The following DARS1 variants were observed in gnomAD, a reference collection of about 807,000 sequenced individuals.
DARS1 encodes aspartate--tRNA ligase, cytoplasmic.
A neutral mutation model predicts 68.8 loss-of-function variants in DARS1; 51 were observed. The observed-to-expected ratio is 0.74, with a 90% CI of 0.59 to 0.94. DARS1 has a LOEUF of 0.94. Ranked by LOEUF, DARS1 falls within the 40% of genes least tolerant of loss-of-function variation. The probability of loss-of-function intolerance (pLI) is 0.00; values close to 1 mark genes in which losing one functional copy is unlikely to be tolerated. For synonymous variants in DARS1, 203 were observed against 190.4 expected (o/e 1.07, Z -0.55); for missense variants, 607 against 597.3 (o/e 1.02, Z -0.17).
intron 4 of DARS1, among the ~76,000 whole-genome samples, chr2:135,945,888 TC>T (rs1361487490): frequency 1.3e-5 from 2 of 152,202 alleles, no homozygotes; most frequent in Non-Finnish European, 2.9e-5. Flanking sequence ...TCTCAGTATT[TC>T]CCCTTATTAT....
In DARS1 at chr2:135,933,951, G is replaced by GC; in HGVS notation, c.462dup (p.Gln155AlafsTer4). 3 of 1,613,732 alleles carry GC rather than the reference G, an allele frequency of 1.9e-6. No individual in the cohort carries two copies. In the South Asian group the frequency reaches 3.3e-5, roughly 18 times the overall value. ...TCAGGCCGAACAGCATCATCCAGCT[G>GC]CAGGGGCAGACGGGGTTCAGCCAAA... On this transcript the variant is annotated frameshift_variant, in exon 6 of 16. Transcript: ENST00000264161. LOFTEE classifies it high-confidence loss of function.
intron 4 of DARS1, among the ~76,000 whole-genome samples, chr2:135,956,163 C>T (rs1405462020): frequency 6.6e-6 from 1 of 152,110 alleles, no homozygotes; most frequent in African/African-American, 2.4e-5. Flanking sequence ...ATGGTTGTGT[C>T]AGGGAAAACC....
At chr2:135,982,929 G>GA (rs1682669815) in intron 2 of DARS1, among the ~76,000 whole-genome samples, 1 of 152,068 alleles carries the variant, frequency 6.6e-6, no homozygotes, top group African/African-American at 2.4e-5. Flanking sequence ...GAGAATAAGT[G>GA]AAAATATAAA....
At chr2:135,934,848 G>A (rs1009236360) in intron 5 of DARS1, among the ~76,000 whole-genome samples, 1 of 147,334 alleles carries the variant, frequency 6.8e-6, no homozygotes, top group African/African-American at 2.5e-5. Context: ...AGGCTGGAGT[G>A]CAATGGTGTG....
Position 135,907,957 on chromosome 2 carries a change from T to G in DARS1, c.1415-550A>C, listed in dbSNP as rs942826566. 6.3e-4 allele frequency among the ~76,000 whole-genome samples: 96 copies of G among 152,194 alleles called. 1 individual carries two copies. The highest frequency in any genetic ancestry group is 2.6e-4 in the Admixed American group (4 of 15,280). On this transcript the variant is annotated intron_variant, in intron 15 of 15. Transcript: ENST00000264161. The stretch of plus-strand genomic sequence containing the variant: ...AGGTGGTTAACAAGATTATGGTCTC[T>G]CCTTTCAATTGATTCTATGTAGAGA...
intron 4 of DARS1, among the ~76,000 whole-genome samples, chr2:135,951,968 T>C (rs1251959635): frequency 6.6e-6 from 1 of 152,236 alleles, no homozygotes; most frequent in African/African-American, 2.4e-5. Context: ...TGGCCGGGCT[T>C]GGTGGCTCAT....
chr2:135,916,205 A>C, intron 11 of DARS1, 21 bp downstream of exon 11: 1 of 1,512,840 alleles, frequency 6.6e-7, no homozygotes, highest in South Asian at 1.1e-5. Context: ...TTAAAGTAAA[A>C]AAAAAGCCAC....
chr2:135,956,116 TTAAGA>T (rs1196981199), intron 4 of DARS1, among the ~76,000 whole-genome samples: 29 of 152,268 alleles, frequency 1.9e-4, no homozygotes, highest in Admixed American at 1.5e-3. Flanking sequence ...GAAGAATGAG[TTAAGA>T]TAAGCAAACA....
intron 3 of DARS1, among the ~76,000 whole-genome samples, chr2:135,972,992 T>A (rs565634031): frequency 2.0e-5 from 3 of 152,116 alleles, no homozygotes; most frequent in Non-Finnish European, 4.4e-5. Context: ...ATTAGTACAA[T>A]CACTATGTAG....
At chr2:135,926,572 CA>C (rs1046822177) in intron 7 of DARS1, among the ~76,000 whole-genome samples, 6 of 152,172 alleles carry the variant, frequency 3.9e-5, no homozygotes, top group South Asian at 2.1e-4. Context: ...CCACCAATCA[CA>C]GGGGTAGATG....
At chr2:135,952,591 C>T (rs1312718478) in intron 4 of DARS1, among the ~76,000 whole-genome samples, 1 of 152,134 alleles carries the variant, frequency 6.6e-6, no homozygotes, top group Non-Finnish European at 1.5e-5. Flanking sequence ...ATTCTCTCTA[C>T]ATCTATGTGA....
At chr2:135,927,084 C>T (rs1681235201) in intron 7 of DARS1, among the ~76,000 whole-genome samples, 2 of 152,082 alleles carry the variant, frequency 1.3e-5, no homozygotes, top group Non-Finnish European at 2.9e-5. Context: ...TAAAGAGAAA[C>T]AAAATCGGTT....
Position 135,907,242 on chromosome 2 carries a change from C to CTTTTTTTTTTTTTT in DARS1, c.*60_*73dup, listed in dbSNP as rs992435404. The CTTTTTTTTTTTTTT allele has an allele frequency of 5.0e-3, 2,286 of 453,270 alleles. 182 individuals carry two copies. Among genetic ancestry groups the CTTTTTTTTTTTTTT allele is most frequent in the African/African-American group, 0.01 (354 of 35,294 alleles). 28.1% of individuals were successfully genotyped at this position (453,270 alleles called of 1,614,324 possible). A position where few individuals can be genotyped will look rare whatever the true frequency, so the allele number is the denominator to read the frequency against. ...TACTGAAAAGAATAAGTGTGGCTTT[C>CTTTTTTTTTTTTTT]TTTTTTTTTTTTTTTTTTTGAGGCA... is the stretch of plus-strand genomic sequence containing the variant. On this transcript the variant is annotated 3_prime_UTR_variant, in exon 16 of 16. Transcript: ENST00000264161.
At chr2:135,980,267 G>A (rs747289951) in intron 2 of DARS1, among the ~76,000 whole-genome samples, 5 of 152,128 alleles carry the variant, frequency 3.3e-5, no homozygotes, top group Non-Finnish European at 5.9e-5. Context: ...TGTATACAAC[G>A]CAACATTCAA....
intron 2 of DARS1, among the ~76,000 whole-genome samples, chr2:135,982,293 T>C (rs1031323788): frequency 1.3e-5 from 2 of 152,026 alleles, no homozygotes; most frequent in African/African-American, 4.8e-5. Flanking sequence ...ATGAGTCAGG[T>C]CAATTTCAAA....
At chr2:135,952,663 C>A (rs1191368667) in intron 4 of DARS1, among the ~76,000 whole-genome samples, 1 of 152,154 alleles carries the variant, frequency 6.6e-6, no homozygotes, top group East Asian at 1.9e-4. Context: ...TTCCACTCAA[C>A]ATAATGCTCT....
chr2:135,931,105 C>T (rs192357197), intron 7 of DARS1, among the ~76,000 whole-genome samples: 41 of 152,234 alleles, frequency 2.7e-4, no homozygotes, highest in Middle Eastern at 3.4e-3. Context: ...TAGAACCTGA[C>T]GGAGGATATA....
rs149564555 is a variant in DARS1 at position 135,968,176 on chromosome 2, A to C, written c.218-6678T>G. Reference sequence around the variant, plus strand: ...CTACTTGGGAGGCTAAGGCAGGAGAATCACTTGAACCCGGCAGGTGGAGGT... The same window carrying C: ...CTACTTGGGAGGCTAAGGCAGGAGACTCACTTGAACCCGGCAGGTGGAGGT... On this transcript the variant is annotated intron_variant, in intron 3 of 15. Coordinates refer to ENST00000264161, the MANE Select transcript of DARS1 (RefSeq NM_001349.4). Among the ~76,000 whole-genome samples the C allele has an allele frequency of 4.9e-4, 74 of 152,312 alleles. No individual in the cohort carries two copies. In the East Asian group the frequency reaches 0.014, roughly 29 times the overall value.
chr2:135,984,136 A>C (rs1347759073), intron 1 of DARS1, among the ~76,000 whole-genome samples: 1 of 152,228 alleles, frequency 6.6e-6, no homozygotes, highest in Non-Finnish European at 1.5e-5. Context: ...TGTTAACAAA[A>C]TATACTTATT....
Sources: allele counts gnomAD v4.1 joint callset (sites outside exome capture counted in the v4.1 genomes callset), GRCh38; gene constraint gnomAD v4.1.1; transcripts MANE v1.5; gene names NCBI Gene and HGNC (gene_info 2026-07-23, HGNC 2026-07-21).